SCAF11: variants seen among roughly 807,000 people sequenced by gnomAD.
SCAF11 encodes the protein SR-related CTD associated factor 11, also known as protein SCAF11.
Under a neutral mutation model 140.5 loss-of-function variants are expected in SCAF11, and 47 were observed. That is an observed-to-expected ratio of 0.33 (90% confidence interval 0.26 to 0.43). SCAF11 has a LOEUF of 0.43. Ranked by LOEUF, SCAF11 falls within the 20% of genes least tolerant of loss-of-function variation. The pLI, the probability that SCAF11 is intolerant of heterozygous loss-of-function variation, is 1.00. For missense variants in SCAF11, 1,645 were observed against 1,705.1 expected (o/e 0.96, Z 0.62); for synonymous variants, 557 against 579.4 (o/e 0.96, Z 0.55).
intron 5 of SCAF11, among the ~76,000 whole-genome samples, chr12:45,947,084 CTAAA>C (rs1444437750): frequency 6.6e-6 from 1 of 152,066 alleles, no homozygotes; most frequent in Non-Finnish European, 1.5e-5. Flanking sequence ...GTTTTAGGAA[CTAAA>C]TAAACTTACT....
intron 1 of SCAF11, 54 bp from the exon 2 acceptor site, chr12:45,964,242 C>A: frequency 1.2e-6 from 1 of 815,346 alleles, no homozygotes; most frequent in Non-Finnish European, 2.0e-6. Context: ...CCAATAATAT[C>A]AATTAAAAAA....
intron 1 of SCAF11, among the ~76,000 whole-genome samples, chr12:45,968,773 G>A (rs925640788): frequency 3.3e-5 from 5 of 151,862 alleles, no homozygotes; most frequent in African/African-American, 4.8e-5. Context: ...AAACCCCGTC[G>A]CTACTAAAAA....
intron 3 of SCAF11, among the ~76,000 whole-genome samples, chr12:45,952,060 G>A (rs1422539737): frequency 6.6e-6 from 1 of 152,068 alleles, no homozygotes; most frequent in Non-Finnish European, 1.5e-5. Flanking sequence ...CTAAACTTGG[G>A]CCACTCCAAA....
At chr12:45,925,098 GA>G (rs564391167) in intron 11 of SCAF11, 24 bp from the exon 12 acceptor site, 8 of 1,556,634 alleles carry the variant, frequency 5.1e-6, no homozygotes, top group Non-Finnish European at 7.0e-6. Flanking sequence ...AAAAGCTTGT[GA>G]AAAAAATCAT....
At chr12:45,991,340 G>A (rs1946606150), upstream of SCAF11, among the ~76,000 whole-genome samples, 1 of 152,220 alleles carries the variant, frequency 6.6e-6, no homozygotes, top group South Asian at 2.1e-4. Flanking sequence ...CGAGGCTGGC[G>A]GATCGCTTGA....
At chr12:45,959,328 A>T (rs1461879579) in intron 3 of SCAF11, among the ~76,000 whole-genome samples, 1 of 152,184 alleles carries the variant, frequency 6.6e-6, no homozygotes, top group African/African-American at 2.4e-5. Flanking sequence ...CCAATTTTTT[A>T]AAAAGATTTT....
intron 5 of SCAF11, 122 bp downstream of exon 5, chr12:45,948,315 G>C (rs1280211154): frequency 1.4e-5 from 9 of 639,384 alleles, no homozygotes; most frequent in Non-Finnish European, 2.5e-5. Flanking sequence ...ATTATCAAGT[G>C]TGTGCTTTTG....
At chr12:45,931,914 A>T (rs982369060) in intron 9 of SCAF11, among the ~76,000 whole-genome samples, 2 of 152,158 alleles carry the variant, frequency 1.3e-5, no homozygotes, top group African/African-American at 4.8e-5. Context: ...GTATTTTGTC[A>T]AGAATTTTTC....
intron 5 of SCAF11, among the ~76,000 whole-genome samples, chr12:45,946,798 A>G (rs768056454): frequency 7.9e-5 from 12 of 152,224 alleles, no homozygotes; most frequent in African/African-American, 2.2e-4. Flanking sequence ...ACCAAAGCTG[A>G]TAAGTATTTT....
rs2136492600 is a variant in SCAF11 at position 45,923,153 on chromosome 12, C to A, written c.3908G>T (p.Gly1303Val). Reference sequence around the variant, plus strand: ...ACTTACATGAGAAGAACTAGGAATACCCTGTTTTAAAGAGTTATCATCAGT... The same window carrying A: ...ACTTACATGAGAAGAACTAGGAATAACCTGTTTTAAAGAGTTATCATCAGT... ...ASQPDGKQLQGIPSSSHVSNN... is the reference protein window; with the variant it reads ...ASQPDGKQLQVIPSSSHVSNN... Residue 1303 changes from glycine (G) to valine (V), a missense_variant and splice_region_variant, in exon 13 of 15, where the codon GGT becomes GTT. Transcript: ENST00000369367. The A allele has an allele frequency of 3.1e-6, 5 of 1,612,278 alleles. No individual in the cohort carries two copies. Among genetic ancestry groups the A allele is most frequent in the Non-Finnish European group, 3.4e-6 (4 of 1,178,482 alleles).
Position 45,921,999 on chromosome 12 carries a change from A to G in SCAF11, c.*49T>C. On this transcript the variant is annotated 3_prime_UTR_variant, in exon 15 of 15. Coordinates refer to ENST00000369367, the MANE Select transcript of SCAF11 (RefSeq NM_004719.3). ...TTTTCAGTTAATGGTACATGTTGAA[A>G]TTGCACTTTGCAGATATCCTGATAA... 1 of 1,570,468 alleles carries G rather than the reference A, an allele frequency of 6.4e-7. No homozygotes were observed. The highest frequency in any genetic ancestry group is 8.6e-7 in the Non-Finnish European group (1 of 1,163,910).
intron 4 of SCAF11, among the ~76,000 whole-genome samples, chr12:45,950,027 TCATACATA>T (rs549202018): frequency 6.6e-6 from 1 of 151,940 alleles, no homozygotes; most frequent in Non-Finnish European, 1.5e-5. Flanking sequence ...AAACAATCAT[TCATACATA>T]CATACATACA....
intron 6 of SCAF11, among the ~76,000 whole-genome samples, chr12:45,943,619 T>C (rs564110047): frequency 6.6e-6 from 1 of 152,276 alleles, no homozygotes; most frequent in South Asian, 2.1e-4. Flanking sequence ...ACTTGGAACA[T>C]ATCCCCCATG....
intron 1 of SCAF11, among the ~76,000 whole-genome samples, chr12:45,971,129 A>G (rs1946062463): frequency 6.6e-6 from 1 of 152,216 alleles, no homozygotes; most frequent in South Asian, 2.1e-4. Context: ...CAAGTGTTCT[A>G]AAAAAAGAAT....
At chr12:45,992,052 G>T (rs1350814977), upstream of SCAF11, 1 of 1,288,226 alleles carries the variant, frequency 7.8e-7, no homozygotes, top group Admixed American at 2.3e-5. Flanking sequence ...CCGCCTTCCT[G>T]CATTCTCGCA....
intron 1 of SCAF11, among the ~76,000 whole-genome samples, chr12:45,979,994 T>C (rs926570806): frequency 6.6e-6 from 1 of 152,202 alleles, no homozygotes; most frequent in Non-Finnish European, 1.5e-5. Context: ...ATAACCTAGA[T>C]TTTTGTGTAA....
intron 11 of SCAF11, 110 bp downstream of exon 11, chr12:45,926,032 G>T: frequency 8.6e-7 from 1 of 1,162,104 alleles, no homozygotes; most frequent in Non-Finnish European, 1.2e-6. Context: ...CTAAGGTTCA[G>T]CTTATTATAA....
intron 6 of SCAF11, among the ~76,000 whole-genome samples, chr12:45,944,852 T>C (rs983999984): frequency 3.3e-5 from 5 of 152,192 alleles, no homozygotes; most frequent in African/African-American, 1.2e-4. Context: ...CTTCAGGAAC[T>C]GTGAATTACT....
At chr12:45,934,051 TA>T (rs778687684) in intron 8 of SCAF11, 124 bp downstream of exon 8, 26 of 563,558 alleles carry the variant, frequency 4.6e-5, no homozygotes, top group Non-Finnish European at 5.4e-5. Flanking sequence ...AAAAAAAAAC[TA>T]AAGCAAAACA....
Sources: allele counts gnomAD v4.1 joint callset (sites outside exome capture counted in the v4.1 genomes callset), GRCh38; gene constraint gnomAD v4.1.1; transcripts MANE v1.5; gene names NCBI Gene and HGNC (gene_info 2026-07-23, HGNC 2026-07-21).